The following GALNT18 variants were observed in gnomAD, a reference collection of about 807,000 sequenced individuals.
GALNT18 encodes the protein GalNAc-transferase 18.
In GALNT18, 44 loss-of-function variants were observed where a neutral mutation model predicts 69.5. That is an observed-to-expected ratio of 0.63 (90% CI 0.50 to 0.81). The LOEUF (loss-of-function observed/expected upper bound fraction) is 0.81. Among genes scored for constraint, GALNT18 ranks in the 40% least tolerant of loss-of-function variants. The pLI, the probability that GALNT18 is intolerant of heterozygous loss-of-function variation, is 0.00. For synonymous variants in GALNT18, 364 were observed against 318.2 expected (o/e 1.14, Z -1.53); for missense variants, 715 against 810.0 (o/e 0.88, Z 1.42).
intron 1 of GALNT18, among the ~76,000 whole-genome samples, chr11:11,533,988 T>C (rs1315077205): frequency 6.6e-6 from 1 of 152,250 alleles, no homozygotes; most frequent in East Asian, 1.9e-4. Flanking sequence ...GATTGAGCTG[T>C]GTTGCTATGT....
intron 10 of GALNT18, among the ~76,000 whole-genome samples, chr11:11,283,660 T>G (rs1040109795): frequency 2.0e-5 from 3 of 152,134 alleles, no homozygotes; most frequent in Admixed American, 1.3e-4. Flanking sequence ...GGCTGGCCCC[T>G]CCCTCTGTGG....
chr11:11,510,329 C>G (rs533462508), intron 1 of GALNT18, among the ~76,000 whole-genome samples: 34 of 152,286 alleles, frequency 2.2e-4, no homozygotes, highest in African/African-American at 8.2e-4. Flanking sequence ...CTCCCAGGGG[C>G]CCTGTGAGAA....
intron 9 of GALNT18, among the ~76,000 whole-genome samples, chr11:11,298,522 C>T (rs1469199048): frequency 2.0e-5 from 3 of 152,242 alleles, no homozygotes; most frequent in Admixed American, 1.3e-4. Flanking sequence ...CTGATGGCCA[C>T]TGCCTCCGCC....
At chr11:11,418,999 G>C (rs1854929962) in intron 3 of GALNT18, among the ~76,000 whole-genome samples, 3 of 152,200 alleles carry the variant, frequency 2.0e-5, no homozygotes. Flanking sequence ...TACCCTAGTT[G>C]TAGGTCAGGT....
At position 11,315,519 on chromosome 11, in the gene GALNT18, C is replaced by T. The variant is rs540791357; in HGVS notation, c.1512+11567G>A. Among the ~76,000 whole-genome samples, 36 of 152,242 alleles carry T rather than the reference C, an allele frequency of 2.4e-4. No homozygotes were observed. The highest frequency in any genetic ancestry group is 3.4e-3 in the Middle Eastern group (1 of 294). ...CCAGAGACTCTGGAGTGGGGATAAC[C>T]GCAGGTTTTCAGCCCAACTCTTAGC... On this transcript the variant is annotated intron_variant, in intron 9 of 10. Coordinates refer to ENST00000227756, the MANE Select transcript of GALNT18 (RefSeq NM_198516.3). This position sits in a 1 kb window ranked among gnomAD's most constrained non-coding sequence, Gnocchi z 5.6.
At chr11:11,367,335 A>C (rs1339847790) in intron 6 of GALNT18, among the ~76,000 whole-genome samples, 6 of 152,200 alleles carry the variant, frequency 3.9e-5, no homozygotes, top group Admixed American at 2.0e-4. Flanking sequence ...TAAAGAGGCA[A>C]ATGATTACGA....
intron 1 of GALNT18, among the ~76,000 whole-genome samples, chr11:11,559,082 T>C (rs1858400079): frequency 6.6e-6 from 1 of 152,210 alleles, no homozygotes; most frequent in Admixed American, 6.5e-5. Context: ...CTTCACAGGC[T>C]GTTAAGAGGG....
intron 10 of GALNT18, among the ~76,000 whole-genome samples, chr11:11,275,680 T>C (rs1041571024): frequency 3.9e-5 from 6 of 152,228 alleles, no homozygotes; most frequent in African/African-American, 1.4e-4. Context: ...TACATTTAAG[T>C]CTTTTATCCA....
At chr11:11,365,678 C>T (rs748994677) in intron 6 of GALNT18, among the ~76,000 whole-genome samples, 3 of 152,116 alleles carry the variant, frequency 2.0e-5, no homozygotes, top group Non-Finnish European at 2.9e-5. Flanking sequence ...TTAATAATCA[C>T]CATTCTGACT....
intron 1 of GALNT18, among the ~76,000 whole-genome samples, chr11:11,567,350 C>A (rs1034360778): frequency 3.3e-5 from 5 of 152,156 alleles, no homozygotes; most frequent in Admixed American, 1.3e-4. Flanking sequence ...ATACTAACAC[C>A]TCCATTAAAG....
At chr11:11,331,837 C>T (rs577935950) in intron 8 of GALNT18, among the ~76,000 whole-genome samples, 1 of 152,080 alleles carries the variant, frequency 6.6e-6, no homozygotes, top group African/African-American at 2.4e-5. Context: ...TCAGCAAAAG[C>T]CAGGCGAGAT....
rs1858843900 is a variant in GALNT18 at position 11,573,528 on chromosome 11, C to G, written c.235+47831G>C. 1 of 152,154 alleles carries G rather than the reference C, an allele frequency of 6.6e-6. No homozygotes were observed. The highest frequency in any genetic ancestry group is 6.5e-5 in the Admixed American group (1 of 15,272). The allele number at this position is 152,154 out of a possible 1,614,324, so 9.4% of individuals were successfully genotyped here. On this transcript the variant is annotated intron_variant, in intron 1 of 10. Coordinates refer to ENST00000227756, the MANE Select transcript of GALNT18 (RefSeq NM_198516.3). The surrounding 1 kb of genome is among the most constrained non-coding windows in gnomAD (Gnocchi z 4.6). ...TCTTATTTTCCTTATTTTACAGATG[C>G]AGAACCTGATGCCCAGCAAAGGGGA...
intron 10 of GALNT18, among the ~76,000 whole-genome samples, chr11:11,273,416 CTT>C (rs1479242787): frequency 1.3e-5 from 2 of 152,152 alleles, no homozygotes; most frequent in Non-Finnish European, 2.9e-5. Flanking sequence ...CCACAAAAGA[CTT>C]ATAAATGGCA....
chr11:11,369,056 T>A (rs1235483081), intron 6 of GALNT18, among the ~76,000 whole-genome samples: 1 of 152,246 alleles, frequency 6.6e-6, no homozygotes, highest in African/African-American at 2.4e-5. Flanking sequence ...GCCTTAGGCT[T>A]TCTGTTCTCT....
intron 1 of GALNT18, among the ~76,000 whole-genome samples, chr11:11,478,695 G>T (rs963629237): frequency 6.6e-6 from 1 of 152,182 alleles, no homozygotes; most frequent in Non-Finnish European, 1.5e-5. Flanking sequence ...CTGTGTCTGG[G>T]GTTGGCCTGT....
At chr11:11,539,187 G>A (rs904732027) in intron 1 of GALNT18, among the ~76,000 whole-genome samples, 2 of 152,226 alleles carry the variant, frequency 1.3e-5, no homozygotes, top group Admixed American at 6.5e-5. Flanking sequence ...TGATATCCAA[G>A]GCTCCCTCTC....
chr11:11,525,104 A>G lies in GALNT18; in HGVS notation c.236-76168T>C, dbSNP rs73407836. Among the ~76,000 whole-genome samples the G allele has an allele frequency of 8.5e-3, 1,294 of 152,294 alleles. 22 individuals are homozygous for G. The highest frequency in any genetic ancestry group is 0.03 in the African/African-American group (1,227 of 41,558). ...ACAAATTCAGAGAGGTGCAAGAAAA[A>G]AAATACATATATATGCATGAATACA... On this transcript the variant is annotated intron_variant, in intron 1 of 10. Coordinates refer to ENST00000227756, the MANE Select transcript of GALNT18 (RefSeq NM_198516.3).
intron 3 of GALNT18, among the ~76,000 whole-genome samples, chr11:11,403,269 C>T (rs557019085): frequency 7.9e-5 from 12 of 152,292 alleles, no homozygotes; most frequent in African/African-American, 1.9e-4. Flanking sequence ...GGGTCCATGC[C>T]CTGCTTGATT....
chr11:11,518,436 T>C (rs925897248), intron 1 of GALNT18, among the ~76,000 whole-genome samples: 4 of 152,240 alleles, frequency 2.6e-5, no homozygotes, highest in Admixed American at 6.5e-5. Context: ...GAATTATTAA[T>C]TGGACCTGGG....
Sources: allele counts gnomAD v4.1 joint callset (sites outside exome capture counted in the v4.1 genomes callset), GRCh38; gene constraint gnomAD v4.1.1; non-coding constraint Gnocchi (gnomAD v3.1); transcripts MANE v1.5; gene names NCBI Gene and HGNC (gene_info 2026-07-23, HGNC 2026-07-21).